MPP7: variants seen among roughly 807,000 people sequenced by gnomAD.
MPP7 encodes the protein MAGUK p55 scaffold protein 7, also known as MAGUK p55 subfamily member 7.
In MPP7, 60 loss-of-function variants were observed where a neutral mutation model predicts 76.5. The observed-to-expected ratio is 0.78, with a 90% CI of 0.64 to 0.97. The LOEUF (loss-of-function observed/expected upper bound fraction) is 0.97. MPP7 is among the 50% of genes least tolerant of loss of function. The probability of loss-of-function intolerance (pLI) is 0.00; values close to 1 mark genes in which losing one functional copy is unlikely to be tolerated. For synonymous variants in MPP7, 237 were observed against 244.5 expected (o/e 0.97, Z 0.29); for missense variants, 641 against 694.0 (o/e 0.92, Z 0.86).
At chr10:28,321,070 T>C (rs1314019253) in intron 2 of MPP7, among the ~76,000 whole-genome samples, 1 of 152,158 alleles carries the variant, frequency 6.6e-6, no homozygotes, top group African/African-American at 2.4e-5. Context: ...CCCAGAGCCC[T>C]AGCTCAGGCC....
chr10:28,212,125 A>T (rs1169845472), intron 2 of MPP7, among the ~76,000 whole-genome samples: 1 of 152,108 alleles, frequency 6.6e-6, no homozygotes, highest in Non-Finnish European at 1.5e-5. Context: ...AAAAAAAAAA[A>T]AATAAATGAG....
chr10:28,265,196 T>A (rs925980473), intron 1 of MPP7, among the ~76,000 whole-genome samples: 1 of 152,114 alleles, frequency 6.6e-6, no homozygotes, highest in Non-Finnish European at 1.5e-5. Flanking sequence ...AGGTTAAAGA[T>A]GCAAAAACGA....
intron 2 of MPP7, among the ~76,000 whole-genome samples, chr10:28,207,509 C>A (rs1837986973): frequency 6.6e-6 from 1 of 151,834 alleles, no homozygotes; most frequent in Non-Finnish European, 1.5e-5. Flanking sequence ...CACAGTGAGA[C>A]CCTGTCTATA....
chr10:28,264,186 C>G (rs1293504702), intron 1 of MPP7, among the ~76,000 whole-genome samples: 1 of 152,016 alleles, frequency 6.6e-6, no homozygotes, highest in Non-Finnish European at 1.5e-5. Context: ...GCAGTCCCAG[C>G]TACTTGGGAG....
intron 2 of MPP7, among the ~76,000 whole-genome samples, chr10:28,209,771 T>C (rs1216819492): frequency 1.3e-5 from 2 of 152,282 alleles, no homozygotes; most frequent in East Asian, 3.9e-4. Context: ...AGTCTTGAGA[T>C]GGTTAATTTT....
Position 28,105,886 on chromosome 10 carries a change from A to T in MPP7, c.952+13765T>A, listed in dbSNP as rs565999523. ...CTTTTGTTCTGCCAAATGAGCCAGA[A>T]ATTTTCATATGAAATTTCTCAGTTT... On this transcript the variant is annotated intron_variant, in intron 11 of 16. Transcript: ENST00000683449. 7.2e-5 allele frequency among the ~76,000 whole-genome samples: 11 copies of T among 152,266 alleles called. No homozygotes were observed. The East Asian group carries it at 2.1e-3, about 29-fold the overall frequency.
intron 2 of MPP7, among the ~76,000 whole-genome samples, chr10:28,216,351 A>T (rs981409006): frequency 3.0e-4 from 45 of 152,322 alleles, no homozygotes; most frequent in African/African-American, 1.0e-3. Context: ...TTCAATATAA[A>T]GATAATGCAA....
intron 1 of MPP7, among the ~76,000 whole-genome samples, chr10:28,293,138 A>T (rs1324489824): frequency 6.6e-6 from 1 of 152,136 alleles, no homozygotes; most frequent in African/African-American, 2.4e-5. Context: ...AAAACAAAAG[A>T]TGCGTATACC....
chr10:28,309,456 A>G (rs1841276919), intron 2 of MPP7, among the ~76,000 whole-genome samples: 2 of 150,284 alleles, frequency 1.3e-5, no homozygotes, highest in Non-Finnish European at 2.9e-5. Context: ...CTCTGCTTTC[A>G]GTCTATCACA....
At chr10:28,093,123 G>A (rs1358990881) in intron 11 of MPP7, among the ~76,000 whole-genome samples, 1 of 152,076 alleles carries the variant, frequency 6.6e-6, no homozygotes, top group African/African-American at 2.4e-5. Context: ...AACAACAAAA[G>A]TTAGAATGCT....
chr10:28,147,829 C>T (rs1223146824), intron 4 of MPP7, among the ~76,000 whole-genome samples: 1 of 152,172 alleles, frequency 6.6e-6, no homozygotes, highest in Non-Finnish European at 1.5e-5. Flanking sequence ...GGAGGGCAAA[C>T]CCCAGCACTT....
intron 1 of MPP7, among the ~76,000 whole-genome samples, chr10:28,283,811 A>G (rs1840735531): frequency 6.6e-6 from 1 of 152,160 alleles, no homozygotes; most frequent in African/African-American, 2.4e-5. Context: ...CGTCACGCCC[A>G]GCCCCCAAAG....
chr10:28,135,720 G>C (rs1372600086), intron 5 of MPP7, among the ~76,000 whole-genome samples: 1 of 152,076 alleles, frequency 6.6e-6, no homozygotes, highest in Admixed American at 6.5e-5. Context: ...TGTCTCAATA[G>C]TGGAAAAAAT....
chr10:28,334,218 T>C (rs373702513), intron 1 of MPP7, among the ~76,000 whole-genome samples: 1 of 148,856 alleles, frequency 6.7e-6, no homozygotes, highest in South Asian at 2.1e-4. Context: ...AAAAAAAAAA[T>C]AGTGGCTGAG....
At chr10:28,074,846 C>T (rs144887266) in intron 12 of MPP7, among the ~76,000 whole-genome samples, 1 of 152,338 alleles carries the variant, frequency 6.6e-6, no homozygotes, top group African/African-American at 2.4e-5. Context: ...ATGGTGTCTT[C>T]CACTCTTGCT....
chr10:28,191,477 A>G (rs1837409600), intron 3 of MPP7, among the ~76,000 whole-genome samples: 1 of 152,184 alleles, frequency 6.6e-6, no homozygotes, highest in Non-Finnish European at 1.5e-5. Flanking sequence ...CTGAAATCCA[A>G]AATGCTCTGA....
At chr10:28,075,990 G>A (rs192798804) in intron 12 of MPP7, among the ~76,000 whole-genome samples, 1 of 152,278 alleles carries the variant, frequency 6.6e-6, no homozygotes, top group Non-Finnish European at 1.5e-5. Flanking sequence ...AAACTTTGTT[G>A]AATGAACCAA....
intron 2 of MPP7, among the ~76,000 whole-genome samples, chr10:28,233,880 A>C (rs1838978497): frequency 1.3e-5 from 2 of 151,910 alleles, no homozygotes; most frequent in Admixed American, 1.3e-4. Context: ...TACCAAGAAG[A>C]AAAGAATTGA....
intron 1 of MPP7, among the ~76,000 whole-genome samples, chr10:28,272,651 G>A (rs1414118180): frequency 1.3e-5 from 2 of 152,006 alleles, no homozygotes; most frequent in Non-Finnish European, 2.9e-5. Flanking sequence ...TTCATTAACT[G>A]AGTTTTCATA....
Sources: allele counts gnomAD v4.1 joint callset (sites outside exome capture counted in the v4.1 genomes callset), GRCh38; gene constraint gnomAD v4.1.1; transcripts MANE v1.5; gene names NCBI Gene and HGNC (gene_info 2026-07-23, HGNC 2026-07-21).